ZNF292: variants seen among roughly 807,000 people sequenced by gnomAD.
ZNF292 encodes zinc finger protein 292.
ZNF292 carries 26 observed loss-of-function variants against 217.9 expected under a neutral mutation model. The ratio of observed to expected loss-of-function variants is 0.12; its 90% confidence interval spans 0.09 to 0.17. The LOEUF is 0.17. Among genes scored for constraint, ZNF292 ranks in the 10% least tolerant of loss-of-function variants. The pLI, the probability that ZNF292 is intolerant of heterozygous loss-of-function variation, is 1.00. For missense variants in ZNF292, 2,904 were observed against 3,175.2 expected, an observed-to-expected ratio of 0.91 and a Z score of 2.05; for synonymous variants, 1,257 against 1,124.1, an observed-to-expected ratio of 1.12 and a Z score of -2.37.
chr6:87,238,802 G>T (rs1477186979), intron 5 of ZNF292, among the ~76,000 whole-genome samples: 2 of 151,516 alleles, frequency 1.3e-5, no homozygotes, highest in African/African-American at 4.9e-5. Context: ...AAAGGTCTCT[G>T]GTTTTCCTAG....
intron 1 of ZNF292, among the ~76,000 whole-genome samples, chr6:87,167,805 G>A (rs1770966729): frequency 1.3e-5 from 2 of 152,318 alleles, no homozygotes; most frequent in South Asian, 2.1e-4. Context: ...TTTGAACTAA[G>A]ATTGTGTAGG....
chr6:87,250,047 A>AC (rs1774834583), intron 7 of ZNF292, among the ~76,000 whole-genome samples: 2 of 151,244 alleles, frequency 1.3e-5, no homozygotes, highest in South Asian at 2.1e-4. Context: ...CAAAAAAAAA[A>AC]ACTCCAGGAA....
intron 1 of ZNF292, among the ~76,000 whole-genome samples, chr6:87,196,288 C>T (rs552346160): frequency 1.3e-5 from 2 of 152,100 alleles, no homozygotes; most frequent in African/African-American, 4.8e-5. Flanking sequence ...TTTTTTTCCT[C>T]TGGGATATCT....
chr6:87,179,977 G>T (rs1430937127), intron 1 of ZNF292, among the ~76,000 whole-genome samples: 1 of 152,116 alleles, frequency 6.6e-6, no homozygotes, highest in Non-Finnish European at 1.5e-5. Context: ...GAGTGTGCCA[G>T]TTACCAGATT....
chr6:87,185,977 G>A (rs924695666), intron 1 of ZNF292, among the ~76,000 whole-genome samples: 2 of 151,880 alleles, frequency 1.3e-5, no homozygotes, highest in African/African-American at 4.9e-5. Flanking sequence ...CTAGTCCTTT[G>A]GATTTTTATG....
At chr6:87,234,853 A>G (rs78114005) in intron 5 of ZNF292, among the ~76,000 whole-genome samples, 2,309 of 152,226 alleles carry the variant, frequency 0.015, 56 homozygotes, top group African/African-American at 0.052. Context: ...GAGGTTTGTA[A>G]TGATGATTGT....
In ZNF292 at chr6:87,195,894, G is replaced by T. The variant is rs543036400; in HGVS notation, c.169-20009G>T. Reference sequence around the variant, plus strand: ...AATACAAAAATTAGCCGGGCATGGTGGCACAAGCCTGTAATCCTTGCTAAC... The same window carrying T: ...AATACAAAAATTAGCCGGGCATGGTTGCACAAGCCTGTAATCCTTGCTAAC... On this transcript the variant is annotated intron_variant, in intron 1 of 7. Transcript: ENST00000369577. Among the ~76,000 whole-genome samples, 32 of 152,048 alleles carry T rather than the reference G, an allele frequency of 2.1e-4. 1 individual carries two copies. The highest frequency in any genetic ancestry group is 7.2e-4 in the African/African-American group (30 of 41,484).
intron 1 of ZNF292, among the ~76,000 whole-genome samples, chr6:87,177,596 T>C (rs772759234): frequency 9.2e-5 from 14 of 152,226 alleles, no homozygotes; most frequent in Non-Finnish European, 1.6e-4. Context: ...TTATTAGTTA[T>C]CCTTCCAAAG....
At chr6:87,194,368 A>T (rs2127784943) in intron 1 of ZNF292, among the ~76,000 whole-genome samples, 1 of 143,288 alleles carries the variant, frequency 7.0e-6, no homozygotes, top group Middle Eastern at 3.5e-3. Context: ...AATTAGAAAA[A>T]AAAGTTCAAA....
rs1463968703 is a variant in ZNF292, at chr6:87,243,590, A to G, written c.857A>G (p.Gln286Arg). The G allele has an allele frequency of 2.6e-6, 4 of 1,549,344 alleles. No individual in the cohort carries two copies. Residue 286 changes from glutamine (Q) to arginine (R), a missense_variant, in exon 6 of 8, where the codon CAA (glutamine) becomes CGA (arginine). Physicochemically the swap from Gln to Arg is conservative, Grantham distance 43 (BLOSUM62 1). This residue lies in a region of ZNF292 where 313 missense variants were observed against 451.0 expected (regional missense o/e 0.69). Coordinates refer to ENST00000369577, the MANE Select transcript of ZNF292 (RefSeq NM_015021.3). ...CTAFLSRQLQ[Q>R]GDMYCAWELT... ...GCGTTTTTGTCACGTCAGCTCCAAC[A>G]AGGAGATATGTACTGCGCTTGGTGA...
intron 1 of ZNF292, among the ~76,000 whole-genome samples, chr6:87,165,964 G>A (rs759918318): frequency 6.6e-6 from 1 of 152,020 alleles, no homozygotes. Flanking sequence ...CACCATGTTG[G>A]CCAGGCTGGT....
chr6:87,189,959 A>G (rs1345637341), intron 1 of ZNF292, among the ~76,000 whole-genome samples: 3 of 152,222 alleles, frequency 2.0e-5, no homozygotes, highest in African/African-American at 7.2e-5. Context: ...TATTTATGTC[A>G]GTATAGACTC....
rs751577589 is a variant in ZNF292 at position 87,233,278 on chromosome 6, G to A, written c.539-47G>A. 15 of 1,372,088 alleles carry A rather than the reference G, an allele frequency of 1.1e-5. No individual in the cohort carries two copies. The South Asian group carries it at 2.1e-4, about 19-fold the overall frequency. The allele number at this position is 1,372,088 out of a possible 1,614,324, so 85.0% of individuals were successfully genotyped here. A position where few individuals can be genotyped will look rare whatever the true frequency, so the allele number is the denominator to read the frequency against. On this transcript the variant is annotated intron_variant, in intron 4 of 7. Coordinates refer to ENST00000369577, the MANE Select transcript of ZNF292 (RefSeq NM_015021.3). ...TCTTATAAGTGTTGGTATTGCAAATGAATTATTACCAAATGTTAATAATCT... is the reference window on the plus strand; with the variant it reads ...TCTTATAAGTGTTGGTATTGCAAATAAATTATTACCAAATGTTAATAATCT...
chr6:87,163,638 TTAGA>T (rs751183488), intron 1 of ZNF292, among the ~76,000 whole-genome samples: 1 of 152,230 alleles, frequency 6.6e-6, no homozygotes, highest in African/African-American at 2.4e-5. Context: ...AGTGACAGTA[TTAGA>T]TAGTAAGGCA....
At position 87,164,831 on chromosome 6, in the gene ZNF292, C is replaced by T. The variant is rs1334960582; in HGVS notation, c.168+9072C>T. The stretch of plus-strand genomic sequence containing the variant: ...AGGCTGGAGTGCAGTGGGGTGATCT[C>T]GACTCACTGGCAACCTCTGCCTCCC... On this transcript the variant is annotated intron_variant, in intron 1 of 7. Transcript: ENST00000369577. Among the ~76,000 whole-genome samples the T allele has an allele frequency of 4.9e-5, 4 of 81,842 alleles. No individual in the cohort carries two copies. The South Asian group carries it at 1.2e-3, about 24-fold the overall frequency. 53.7% of individuals were successfully genotyped at this position (81,842 alleles called of 152,430 possible).
intron 1 of ZNF292, chr6:87,173,835 T>G (rs1771192264): frequency 6.3e-6 from 1 of 159,814 alleles, no homozygotes; most frequent in Admixed American, 6.5e-5. Context: ...CCCACATTTA[T>G]CTCCACAGCC....
rs267601150 is a variant in ZNF292 at position 87,257,192 on chromosome 6, C to T, written c.3563C>T (p.Ser1188Leu). The change falls in exon 8 of 8, where the codon TCG becomes TTG. Residue 1188 changes from serine to leucine, a missense_variant. This residue lies in a region of ZNF292 where 687 missense variants were observed against 623.0 expected (regional missense o/e 1.10). Coordinates refer to ENST00000369577, the MANE Select transcript of ZNF292 (RefSeq NM_015021.3). ...PACSAQLQHV[S>L]PPIFPAHLAS... Reference sequence around the variant, plus strand: ...TGTTCGGCCCAGTTGCAGCATGTCTCGCCACCCATTTTTCCAGCTCATTTA... The same window carrying T: ...TGTTCGGCCCAGTTGCAGCATGTCTTGCCACCCATTTTTCCAGCTCATTTA... 17 of 1,613,880 alleles carry T rather than the reference C, an allele frequency of 1.1e-5. No individual in the cohort carries two copies. The highest frequency in any genetic ancestry group is 5.5e-5 in the South Asian group (5 of 91,070).
At chr6:87,246,685 T>C (rs1774604474) in intron 7 of ZNF292, among the ~76,000 whole-genome samples, 1 of 151,136 alleles carries the variant, frequency 6.6e-6, no homozygotes, top group African/African-American at 2.4e-5. Flanking sequence ...GCCAACATGA[T>C]GAAACCCCAT....
intron 5 of ZNF292, among the ~76,000 whole-genome samples, chr6:87,239,606 G>T (rs1310120390): frequency 4.0e-5 from 6 of 149,354 alleles, no homozygotes; most frequent in Non-Finnish European, 8.9e-5. Flanking sequence ...GCGGCTGCTG[G>T]ACGGAGGGGC....
Sources: gnomAD v4.1 joint callset for allele counts (sites outside exome capture counted in the v4.1 genomes callset) on GRCh38, gnomAD v4.1.1 for gene constraint, gnomAD v4.1.1 regional missense constraint, MANE v1.5 for transcripts, NCBI Gene and HGNC (gene_info 2026-07-23, HGNC 2026-07-21) for gene names.